The following DGKB variants were observed in gnomAD, a reference collection of about 807,000 sequenced individuals.
The protein encoded by DGKB is diacylglycerol kinase beta.
In DGKB, 67 loss-of-function variants were observed where a neutral mutation model predicts 114.3. That is an observed-to-expected ratio of 0.59 (90% CI 0.48 to 0.72). DGKB has a LOEUF of 0.72. DGKB is among the 30% of genes least tolerant of loss of function. DGKB has a pLI of 0.00. For synonymous variants in DGKB, 398 were observed against 323.1 expected (o/e 1.23, Z -2.49); for missense variants, 907 against 975.2 (o/e 0.93, Z 0.93).
intron 13 of DGKB, among the ~76,000 whole-genome samples, chr7:14,655,244 C>T (rs1360942497): frequency 6.6e-6 from 1 of 151,628 alleles, no homozygotes; most frequent in Non-Finnish European, 1.5e-5. Flanking sequence ...AAAGACATTT[C>T]TCAGAAGAAG....
intron 9 of DGKB, among the ~76,000 whole-genome samples, chr7:14,686,102 T>C (rs1176218358): frequency 6.6e-6 from 1 of 152,182 alleles, no homozygotes; most frequent in African/African-American, 2.4e-5. Flanking sequence ...AATATTTTTA[T>C]TTATAACAAT....
Position 14,178,041 on chromosome 7 carries a change from C to T in DGKB, c.2233G>A (p.Val745Met), listed in dbSNP as rs752880343. 13 of 1,581,746 alleles carry T rather than the reference C, an allele frequency of 8.2e-6. No homozygotes were observed. Among genetic ancestry groups the T allele is most frequent in the Admixed American group, 7.5e-5 (4 of 53,392 alleles). The change falls in exon 24 of 26, where the codon GTG (valine) becomes ATG (methionine). Residue 745 changes from valine to methionine, a missense_variant. Around this residue, in one of 3 missense-constraint regions of DGKB, gnomAD observed 35 missense variants for 66.0 expected, o/e 0.53. Transcript: ENST00000402815. Reference sequence around the variant, plus strand: ...CAGAAAGGGAACTACCTGATGACCACGCAGGAGCACTGAGCCAGCCGCCGG... The same window carrying T: ...CAGAAAGGGAACTACCTGATGACCATGCAGGAGCACTGAGCCAGCCGCCGG... ...AGRRLAQCSCVVIRTSKSLPM... is the reference protein window; with the variant it reads ...AGRRLAQCSCMVIRTSKSLPM...
In DGKB at chr7:14,828,486, G is replaced by A. The variant is rs117886131; in HGVS notation, c.70+12708C>T. Among the ~76,000 whole-genome samples, 89 of 152,196 alleles carry A rather than the reference G, an allele frequency of 5.8e-4. 1 individual carries two copies. Among genetic ancestry groups the A allele is most frequent in the Non-Finnish European group, 7.6e-4 (52 of 67,994 alleles). ...AAGAATTTCCAATCCTCACCTTCACGGGAAGGGGCGTAACAACATGGGCAA... is the reference window on the plus strand; with the variant it reads ...AAGAATTTCCAATCCTCACCTTCACAGGAAGGGGCGTAACAACATGGGCAA... On this transcript the variant is annotated intron_variant, in intron 2 of 25. Coordinates refer to ENST00000402815, the MANE Select transcript of DGKB (RefSeq NM_001350709.2).
chr7:14,182,391 C>A (rs186464782), intron 23 of DGKB, among the ~76,000 whole-genome samples: 344 of 151,888 alleles, frequency 2.3e-3, no homozygotes, highest in African/African-American at 7.6e-3. Flanking sequence ...CATAGAAAAG[C>A]ATATATATCT....
At chr7:14,652,356 A>G (rs1814732501) in intron 13 of DGKB, among the ~76,000 whole-genome samples, 1 of 152,156 alleles carries the variant, frequency 6.6e-6, no homozygotes. Context: ...CATATCTACA[A>G]CTATCCGATC....
At chr7:14,611,424 T>C (rs1274287539) in intron 16 of DGKB, among the ~76,000 whole-genome samples, 1 of 152,072 alleles carries the variant, frequency 6.6e-6, no homozygotes, top group Non-Finnish European at 1.5e-5. Context: ...CTGTGACCTT[T>C]TGCAACTTAT....
At chr7:14,312,121 T>A (rs1805488965) in intron 23 of DGKB, among the ~76,000 whole-genome samples, 1 of 152,194 alleles carries the variant, frequency 6.6e-6, no homozygotes, top group Non-Finnish European at 1.5e-5. Context: ...TCAGAATCAG[T>A]TTAGATCCAC....
chr7:14,392,675 TA>T (rs1183528763), intron 21 of DGKB, among the ~76,000 whole-genome samples: 3 of 152,142 alleles, frequency 2.0e-5, no homozygotes, highest in African/African-American at 7.2e-5. Flanking sequence ...TGCTGTTGTC[TA>T]AACTCAGAAA....
chr7:14,637,938 A>AT (rs916803343), intron 13 of DGKB, among the ~76,000 whole-genome samples: 9 of 152,088 alleles, frequency 5.9e-5, no homozygotes, highest in Non-Finnish European at 1.3e-4. Context: ...GAATGTGAAT[A>AT]TTTTTGAAGT....
At chr7:14,340,553 C>A (rs1811444705) in intron 22 of DGKB, among the ~76,000 whole-genome samples, 1 of 151,208 alleles carries the variant, frequency 6.6e-6, no homozygotes. Flanking sequence ...TAATTTGCAG[C>A]CTAAATTAAA....
intron 6 of DGKB, among the ~76,000 whole-genome samples, chr7:14,703,041 C>A (rs1056070123): frequency 2.1e-5 from 2 of 96,888 alleles, no homozygotes; most frequent in Non-Finnish European, 4.2e-5. Context: ...GGTAATGATT[C>A]CTTCTCATAC....
chr7:14,145,150 A>G lies in DGKB; in HGVS notation c.*3981T>C, dbSNP rs372529963. ...ATTAAGTTCCATGTTTTTAAACACA[A>G]TAAGGTTATACAGAATCTCTCAAAT... On this transcript the variant is annotated 3_prime_UTR_variant, in exon 26 of 26. Transcript: ENST00000402815. The G allele has an allele frequency of 5.3e-5, 8 of 152,306 alleles. No individual in the cohort carries two copies. The South Asian group carries it at 1.7e-3, about 32-fold the overall frequency. 9.4% of individuals were successfully genotyped at this position (152,306 alleles called of 1,614,324 possible).
intron 5 of DGKB, among the ~76,000 whole-genome samples, chr7:14,720,228 T>C (rs1291788763): frequency 6.6e-6 from 1 of 152,136 alleles, no homozygotes; most frequent in African/African-American, 2.4e-5. Flanking sequence ...AAATTGAGTT[T>C]ACTAGCCACC....
chr7:14,294,893 G>GA (rs1169003927), intron 23 of DGKB, among the ~76,000 whole-genome samples: 12 of 152,264 alleles, frequency 7.9e-5, no homozygotes, highest in African/African-American at 2.9e-4. Context: ...GGGTTTTGGA[G>GA]AGTCTTGTTG....
At chr7:14,447,842 G>A (rs773467564) in intron 21 of DGKB, among the ~76,000 whole-genome samples, 15 of 151,912 alleles carry the variant, frequency 9.9e-5, no homozygotes, top group African/African-American at 2.7e-4. Flanking sequence ...TGACGGTGTC[G>A]GGAAATCCTA....
intron 23 of DGKB, among the ~76,000 whole-genome samples, chr7:14,233,556 G>A (rs1792250484): frequency 6.6e-6 from 1 of 152,074 alleles, no homozygotes; most frequent in African/African-American, 2.4e-5. Flanking sequence ...GTGCTGTGAA[G>A]TGAATCATTG....
At chr7:14,369,827 G>A (rs1156901201) in intron 21 of DGKB, among the ~76,000 whole-genome samples, 1 of 152,092 alleles carries the variant, frequency 6.6e-6, no homozygotes, top group African/African-American at 2.4e-5. Context: ...TCAGCCATTT[G>A]TCAGATGGAT....
At position 14,145,077 on chromosome 7, in the gene DGKB, A is replaced by C. The variant is rs1302288207; in HGVS notation, c.*4054T>G. On this transcript the variant is annotated 3_prime_UTR_variant, in exon 26 of 26. Transcript: ENST00000402815. ...GTGGTTAACGTTTTTATTTCAAAAAACAGGATATTGTATATATCATTTCTG... is the reference window on the plus strand; with the variant it reads ...GTGGTTAACGTTTTTATTTCAAAAACCAGGATATTGTATATATCATTTCTG... The C allele has an allele frequency of 6.6e-6, 1 of 152,220 alleles. No individual in the cohort carries two copies. The highest frequency in any genetic ancestry group is 1.5e-5 in the Non-Finnish European group (1 of 68,036). The allele number at this position is 152,220 out of a possible 1,614,324, so 9.4% of individuals were successfully genotyped here. A position where few individuals can be genotyped will look rare whatever the true frequency, so the allele number is the denominator to read the frequency against.
Position 14,714,515 on chromosome 7 carries a change from G to GA in DGKB, c.466+4026dup, listed in dbSNP as rs559046399. Among the ~76,000 whole-genome samples, 23 of 151,442 alleles carry GA rather than the reference G, an allele frequency of 1.5e-4. No homozygotes were observed. In the East Asian group the frequency reaches 4.1e-3, roughly 27 times the overall value. ...TTCACTCTGAATCAGAAGAGAAACA[G>GA]AAAAAAAATAAGTATGTTAGTTGAT... On this transcript the variant is annotated intron_variant, in intron 6 of 25. Transcript: ENST00000402815.
Sources: gnomAD v4.1 joint callset for allele counts (sites outside exome capture counted in the v4.1 genomes callset) on GRCh38, gnomAD v4.1.1 for gene constraint, gnomAD v4.1.1 regional missense constraint, MANE v1.5 for transcripts, NCBI Gene and HGNC (gene_info 2026-07-23, HGNC 2026-07-21) for gene names.